KCNMA1: variants seen among roughly 807,000 people sequenced by gnomAD.
KCNMA1 encodes the protein Calcium-activated potassium channel subunit alpha-1.
A neutral mutation model predicts 140.0 loss-of-function variants in KCNMA1; 29 were observed. The ratio of observed to expected loss-of-function variants is 0.21; its 90% CI spans 0.15 to 0.28. KCNMA1 has a LOEUF of 0.28. Among genes scored for constraint, KCNMA1 ranks in the 10% least tolerant of loss-of-function variants. The pLI, the probability that KCNMA1 is intolerant of heterozygous loss-of-function variation, is 1.00. For missense variants in KCNMA1, 880 were observed against 1,602.2 expected, an observed-to-expected ratio of 0.55 and a Z score of 7.70; for synonymous variants, 612 against 611.9, an observed-to-expected ratio of 1.00 and a Z score of 0.00.
intron 1 of KCNMA1, among the ~76,000 whole-genome samples, chr10:77,483,091 T>G (rs1198722300): frequency 6.7e-6 from 1 of 150,204 alleles, no homozygotes. Flanking sequence ...ATCTAAGAAT[T>G]TCACTGGTAC....
intron 17 of KCNMA1, 25 bp from the exon 18 acceptor site, chr10:77,012,068 G>T: frequency 6.2e-7 from 1 of 1,612,786 alleles, no homozygotes; most frequent in South Asian, 1.1e-5. Flanking sequence ...TGGAAAAACT[G>T]ACACGTTTCA....
intron 1 of KCNMA1, among the ~76,000 whole-genome samples, chr10:77,623,203 T>G (rs539033364): frequency 2.0e-5 from 3 of 152,298 alleles, no homozygotes; most frequent in East Asian, 1.9e-4. Flanking sequence ...TAGGAGAGAT[T>G]TGCATGATAA....
intron 1 of KCNMA1, among the ~76,000 whole-genome samples, chr10:77,446,067 A>G (rs2097523870): frequency 6.6e-6 from 1 of 151,842 alleles, no homozygotes; most frequent in African/African-American, 2.4e-5. Flanking sequence ...AGCTGGCTGG[A>G]CCCTAATCCC....
At chr10:77,408,388 A>C (rs1247246043) in intron 1 of KCNMA1, among the ~76,000 whole-genome samples, 1 of 151,844 alleles carries the variant, frequency 6.6e-6, no homozygotes, top group Admixed American at 6.5e-5. Flanking sequence ...GTGTGCTCAC[A>C]CATGTGTGTG....
chr10:77,029,231 T>C (rs989433600), intron 15 of KCNMA1, among the ~76,000 whole-genome samples: 11 of 152,236 alleles, frequency 7.2e-5, no homozygotes, highest in African/African-American at 2.7e-4. Context: ...CATTACCATT[T>C]TGAATAATAG....
chr10:77,375,165 C>T (rs12769127), intron 2 of KCNMA1, among the ~76,000 whole-genome samples: 31,893 of 152,070 alleles, frequency 0.21, 4,198 homozygotes, highest in Non-Finnish European at 0.3. Flanking sequence ...TGGCGGGGGA[C>T]AGCTAGAGTC....
chr10:77,179,395 G>A (rs570879547), intron 5 of KCNMA1, among the ~76,000 whole-genome samples: 43 of 152,122 alleles, frequency 2.8e-4, no homozygotes, highest in Non-Finnish European at 4.3e-4. Context: ...TAGGACTCGG[G>A]AGACACCAGG....
intron 5 of KCNMA1, among the ~76,000 whole-genome samples, chr10:77,182,656 A>C (rs969384834): frequency 1.3e-5 from 2 of 152,176 alleles, no homozygotes; most frequent in Non-Finnish European, 2.9e-5. Flanking sequence ...GGAACCCACA[A>C]ATAGTCCTCC....
chr10:77,564,529 A>G (rs115476398), intron 1 of KCNMA1, among the ~76,000 whole-genome samples: 2,234 of 152,260 alleles, frequency 0.015, 61 homozygotes, highest in African/African-American at 0.051. Flanking sequence ...ATTGAAGTGA[A>G]CCAAGATCAC....
intron 25 of KCNMA1, among the ~76,000 whole-genome samples, chr10:76,909,745 C>T (rs1236543139): frequency 6.6e-6 from 1 of 152,200 alleles, no homozygotes; most frequent in Non-Finnish European, 1.5e-5. Context: ...ACCTATATTT[C>T]CTTCTAGCCT....
In KCNMA1 at chr10:77,429,671, TTTAA is replaced by T. The variant is rs1482551479; in HGVS notation, c.379-25652_379-25649del. Among the ~76,000 whole-genome samples, 4 of 152,224 alleles carry T rather than the reference TTTAA, an allele frequency of 2.6e-5. 1 individual carries two copies. Among genetic ancestry groups the T allele is most frequent in the African/African-American group, 7.2e-5 (3 of 41,468 alleles). On this transcript the variant is annotated intron_variant, in intron 1 of 27. Coordinates refer to ENST00000286628, the MANE Select transcript of KCNMA1 (RefSeq NM_001161352.2). Reference sequence around the variant, plus strand: ...AAGTTCTGCAATAAGAAGAACACTATTTAATTGTTTTGTTTGACCTAACATCTTG... The same window carrying T: ...AAGTTCTGCAATAAGAAGAACACTATTTGTTTTGTTTGACCTAACATCTTG...
At chr10:77,494,130 C>T (rs185864596) in intron 1 of KCNMA1, among the ~76,000 whole-genome samples, 11 of 152,318 alleles carry the variant, frequency 7.2e-5, no homozygotes, top group Admixed American at 6.5e-4. Context: ...AATAAATACA[C>T]AACTGGCTAC....
At chr10:77,273,949 C>T (rs1237147584) in intron 2 of KCNMA1, among the ~76,000 whole-genome samples, 2 of 152,136 alleles carry the variant, frequency 1.3e-5, no homozygotes, top group African/African-American at 4.8e-5. Flanking sequence ...TTTATGTTTA[C>T]GTGTACATAC....
At position 77,108,309 on chromosome 10, in the gene KCNMA1, A is replaced by G. The variant is rs2097240343; in HGVS notation, c.1223+172T>C. ...ACTTTCTGCCTCCATGTTTGTTAAAAGTCCCGCCGAATTTATTCCGACTCA... is the reference window on the plus strand; with the variant it reads ...ACTTTCTGCCTCCATGTTTGTTAAAGGTCCCGCCGAATTTATTCCGACTCA... On this transcript the variant is annotated intron_variant, in intron 9 of 27. Coordinates refer to ENST00000286628, the MANE Select transcript of KCNMA1 (RefSeq NM_001161352.2). The surrounding 1 kb of genome is among the most constrained non-coding windows in gnomAD (Gnocchi z 4.6). 6.6e-7 allele frequency: 1 copy of G among 1,510,016 alleles called. No individual in the cohort carries two copies. The highest frequency in any genetic ancestry group is 2.2e-5 in the Admixed American group (1 of 44,468). The allele number at this position is 1,510,016 out of a possible 1,614,324, so 93.5% of individuals were successfully genotyped here. A position where few individuals can be genotyped will look rare whatever the true frequency, so the allele number is the denominator to read the frequency against.
At chr10:77,499,073 CTG>C (rs1490670453) in intron 1 of KCNMA1, 4 of 152,228 alleles carry the variant, frequency 2.6e-5, no homozygotes, top group Non-Finnish European at 4.4e-5. Context: ...AGAGGACAGT[CTG>C]TGCTCAGTAA....
At chr10:76,999,046 G>T (rs774463452) in intron 19 of KCNMA1, among the ~76,000 whole-genome samples, 30 of 152,210 alleles carry the variant, frequency 2.0e-4, no homozygotes, top group Non-Finnish European at 3.1e-4. Context: ...GCAGCCCAAA[G>T]CTCCACGTGT....
chr10:77,305,786 C>T (rs2077557939), intron 2 of KCNMA1, among the ~76,000 whole-genome samples: 1 of 152,170 alleles, frequency 6.6e-6, no homozygotes, highest in Non-Finnish European at 1.5e-5. Context: ...GACACCACAG[C>T]CCTGTAAATT....
chr10:77,004,889 T>C (rs527416079), intron 18 of KCNMA1, among the ~76,000 whole-genome samples: 1 of 152,258 alleles, frequency 6.6e-6, no homozygotes, highest in Non-Finnish European at 1.5e-5. Flanking sequence ...ATATGAAGAG[T>C]TCCACTTTAA....
rs77776998 is a variant in KCNMA1, at chr10:77,033,324, T to C, written c.1860-5433A>G. Among the ~76,000 whole-genome samples the C allele has an allele frequency of 7.2e-3, 1,091 of 152,270 alleles. 9 individuals are homozygous for C. The highest frequency in any genetic ancestry group is 0.023 in the African/African-American group (936 of 41,552). Reference sequence around the variant, plus strand: ...CCAAGAAAAGAGAAGTGATTTAAAATGTTCATGGAAATGTTAAGACTCTTT... The same window carrying C: ...CCAAGAAAAGAGAAGTGATTTAAAACGTTCATGGAAATGTTAAGACTCTTT... On this transcript the variant is annotated intron_variant, in intron 15 of 27. Coordinates refer to ENST00000286628, the MANE Select transcript of KCNMA1 (RefSeq NM_001161352.2).
Sources: allele counts gnomAD v4.1 joint callset (sites outside exome capture counted in the v4.1 genomes callset), GRCh38; gene constraint gnomAD v4.1.1; non-coding constraint Gnocchi (gnomAD v3.1); transcripts MANE v1.5; gene names NCBI Gene and HGNC (gene_info 2026-07-23, HGNC 2026-07-21).